The following FBN2 variants were observed in gnomAD, a reference collection of about 807,000 sequenced individuals.
FBN2 encodes fibrillin 2, also known as fibrillin-2.
FBN2 carries 105 observed loss-of-function variants against 355.6 expected under a neutral mutation model. The ratio of observed to expected loss-of-function variants is 0.30; its 90% CI spans 0.25 to 0.35. The LOEUF is 0.35. Ranked by LOEUF, FBN2 falls within the 10% of genes least tolerant of loss-of-function variation. The pLI, the probability that FBN2 is intolerant of heterozygous loss-of-function variation, is 1.00. For synonymous variants in FBN2, 1,350 were observed against 1,301.2 expected (o/e 1.04, Z -0.81); for missense variants, 3,280 against 3,758.7 (o/e 0.87, Z 3.33).
At chr5:128,503,055 T>A (rs1041290098) in intron 5 of FBN2, among the ~76,000 whole-genome samples, 1 of 147,804 alleles carries the variant, frequency 6.8e-6, no homozygotes, top group Non-Finnish European at 1.5e-5. Flanking sequence ...TGGGGCCAGG[T>A]GGAGATAACT....
chr5:128,535,451 C>A (rs1756820568), intron 2 of FBN2, among the ~76,000 whole-genome samples: 1 of 152,152 alleles, frequency 6.6e-6, no homozygotes, highest in Non-Finnish European at 1.5e-5. Context: ...GGAGGTCAAT[C>A]TAAAGTCAAG....
rs1298109907 is a variant in FBN2 at position 128,310,128 on chromosome 5, C to T, written c.5075-20G>A. 6.3e-7 allele frequency: 1 copy of T among 1,587,866 alleles called. No individual in the cohort carries two copies. The highest frequency in any genetic ancestry group is 8.6e-7 in the Non-Finnish European group (1 of 1,157,856). Reference sequence around the variant, plus strand: ...CAATATCTAGAGTAGGCAAGAATATCTATTAATTAATAAATCTATTTTTTC... The same window carrying T: ...CAATATCTAGAGTAGGCAAGAATATTTATTAATTAATAAATCTATTTTTTC... On this transcript the variant is annotated intron_variant, in intron 39 of 64. Transcript: ENST00000262464.
intron 64 of FBN2, 139 bp downstream of exon 64, chr5:128,261,597 C>T: frequency 1.3e-6 from 1 of 778,706 alleles, no homozygotes; most frequent in East Asian, 2.5e-5. Context: ...CTTGTCTTTT[C>T]CATACTGGGT....
intron 5 of FBN2, among the ~76,000 whole-genome samples, chr5:128,492,575 G>C (rs1207528513): frequency 3.3e-5 from 5 of 152,162 alleles, no homozygotes; most frequent in Non-Finnish European, 1.5e-5. Context: ...GGCTGAGGCG[G>C]GTGGATCACC....
rs1752521112 is a variant in FBN2 at position 128,391,882 on chromosome 5, T to C, written c.1603+136A>G. ...GGTTAAGGGGGCACACTGAATAGCA[T>C]ACACACAGAAGAGACAGTTTGGAAA... On this transcript the variant is annotated intron_variant, in intron 11 of 64. Transcript: ENST00000262464. 3.9e-6 allele frequency: 3 copies of C among 773,090 alleles called. No homozygotes were observed. The Admixed American group carries it at 6.2e-5, about 16-fold the overall frequency. 47.9% of individuals were successfully genotyped at this position (773,090 alleles called of 1,614,324 possible). A position where few individuals can be genotyped will look rare whatever the true frequency, so the allele number is the denominator to read the frequency against.
At chr5:128,361,175 T>C (rs1204247319) in intron 19 of FBN2, among the ~76,000 whole-genome samples, 1 of 152,236 alleles carries the variant, frequency 6.6e-6, no homozygotes, top group Admixed American at 6.5e-5. Flanking sequence ...ACACTAGTTA[T>C]GGTCTATAAA....
chr5:128,479,922 G>T (rs1379896735), intron 5 of FBN2, among the ~76,000 whole-genome samples: 2 of 117,654 alleles, frequency 1.7e-5, no homozygotes, highest in Non-Finnish European at 3.4e-5. Context: ...ACAAGACCTT[G>T]TCTCCTTGTC....
intron 5 of FBN2, among the ~76,000 whole-genome samples, chr5:128,505,895 G>C (rs189400890): frequency 1.3e-5 from 2 of 152,238 alleles, no homozygotes; most frequent in Admixed American, 1.3e-4. Context: ...CATTTGGGTT[G>C]TTTGCAGTTT....
intron 55 of FBN2, among the ~76,000 whole-genome samples, chr5:128,284,699 C>T (rs1322489892): frequency 1.3e-5 from 2 of 152,172 alleles, no homozygotes; most frequent in Non-Finnish European, 2.9e-5. Flanking sequence ...AGTCGTGTGG[C>T]TCTGATAAAG....
At chr5:128,300,779 G>A (rs771820693) in intron 48 of FBN2, 38 bp downstream of exon 48, 7 of 1,608,158 alleles carry the variant, frequency 4.4e-6, no homozygotes, top group African/African-American at 2.7e-5. Flanking sequence ...TTACTATACT[G>A]AACTACTAGT....
At chr5:128,477,867 C>T (rs1755047619) in intron 5 of FBN2, among the ~76,000 whole-genome samples, 1 of 152,158 alleles carries the variant, frequency 6.6e-6, no homozygotes, top group African/African-American at 2.4e-5. Flanking sequence ...AATGAAATGC[C>T]TTTTTCTGTA....
chr5:128,471,170 A>C (rs535057138), intron 5 of FBN2, among the ~76,000 whole-genome samples: 1 of 152,104 alleles, frequency 6.6e-6, no homozygotes, highest in African/African-American at 2.4e-5. Flanking sequence ...TGTGTAACTT[A>C]ATCTAAGGAT....
chr5:128,449,411 T>C (rs148361560), intron 6 of FBN2, among the ~76,000 whole-genome samples: 16,929 of 133,454 alleles, frequency 0.13, 1,236 homozygotes, highest in African/African-American at 0.14. Context: ...TATAATTATA[T>C]AGTATACTAT....
intron 48 of FBN2, among the ~76,000 whole-genome samples, chr5:128,292,498 T>A (rs1198902316): frequency 6.6e-6 from 1 of 152,166 alleles, no homozygotes; most frequent in Non-Finnish European, 1.5e-5. Context: ...TAGCACGGTA[T>A]CTGGCACACA....
chr5:128,352,944 A>C (rs1295140411), intron 20 of FBN2, among the ~76,000 whole-genome samples: 2 of 152,162 alleles, frequency 1.3e-5, no homozygotes, highest in Non-Finnish European at 2.9e-5. Flanking sequence ...AGGCTGAGGC[A>C]GTCGGATCGC....
chr5:128,431,923 T>C (rs1753637874), intron 7 of FBN2, among the ~76,000 whole-genome samples: 1 of 152,182 alleles, frequency 6.6e-6, no homozygotes, highest in African/African-American at 2.4e-5. Context: ...GGATTATTTC[T>C]GGAATTCACC....
intron 15 of FBN2, 92 bp downstream of exon 15, chr5:128,374,536 T>C (rs970243528): frequency 7.2e-6 from 11 of 1,526,896 alleles, no homozygotes; most frequent in African/African-American, 2.7e-5. Flanking sequence ...ACTCTTCTTA[T>C]GGTGAATATT....
chr5:128,522,308 A>C (rs1756452342), intron 4 of FBN2, among the ~76,000 whole-genome samples: 1 of 152,046 alleles, frequency 6.6e-6, no homozygotes, highest in Admixed American at 6.6e-5. Flanking sequence ...CGCACATCAA[A>C]ATTTCACGGC....
Position 128,390,478 on chromosome 5 carries a change from A to G in FBN2, c.1603+1540T>C, listed in dbSNP as rs1038994493. On this transcript the variant is annotated intron_variant, in intron 11 of 64. Coordinates refer to ENST00000262464, the MANE Select transcript of FBN2 (RefSeq NM_001999.4). ...GCACCAAACTGTCCTACCAGTCAAT[A>G]CAATGAACTCACAGGGTATTTGAAA... Among the ~76,000 whole-genome samples the G allele has an allele frequency of 3.9e-5, 6 of 152,212 alleles. No homozygotes were observed. In the East Asian group the frequency reaches 1.2e-3, roughly 29 times the overall value.
Sources: allele counts gnomAD v4.1 joint callset (sites outside exome capture counted in the v4.1 genomes callset), GRCh38; gene constraint gnomAD v4.1.1; transcripts MANE v1.5; gene names NCBI Gene and HGNC (gene_info 2026-07-23, HGNC 2026-07-21).